The following GPM6A variants were observed in gnomAD, a reference collection of about 807,000 sequenced individuals.
The protein encoded by GPM6A is neuronal membrane glycoprotein M6-a.
A neutral mutation model predicts 32.1 loss-of-function variants in GPM6A; 7 were observed. That is an observed-to-expected ratio of 0.22 (90% CI 0.12 to 0.41). GPM6A has a LOEUF of 0.41. Among genes scored for constraint, GPM6A ranks in the 10% least tolerant of loss-of-function variants. The pLI is 1.00. For synonymous variants in GPM6A, 130 were observed against 123.4 expected, an observed-to-expected ratio of 1.05 and a Z score of -0.35; for missense variants, 235 against 347.2, an observed-to-expected ratio of 0.68 and a Z score of 2.57.
intron 1 of GPM6A, among the ~76,000 whole-genome samples, chr4:175,873,321 GA>G (rs200174289): frequency 2.0e-4 from 29 of 147,652 alleles, no homozygotes; most frequent in African/African-American, 3.7e-4. Context: ...AGTGCCTTGT[GA>G]AAAAAAAACA....
chr4:175,804,223 A>C (rs1734588432), intron 1 of GPM6A, among the ~76,000 whole-genome samples: 3 of 152,238 alleles, frequency 2.0e-5, no homozygotes, highest in African/African-American at 7.2e-5. Context: ...AAGAAAAATA[A>C]ATATAATTCC....
At chr4:175,789,532 T>C (rs1733927510) in intron 1 of GPM6A, among the ~76,000 whole-genome samples, 1 of 152,138 alleles carries the variant, frequency 6.6e-6, no homozygotes, top group Non-Finnish European at 1.5e-5. Context: ...CAATTCCTTC[T>C]CCTAGGCTAA....
At chr4:175,986,442 G>A (rs1250719961) in intron 1 of GPM6A, among the ~76,000 whole-genome samples, 4 of 152,006 alleles carry the variant, frequency 2.6e-5, no homozygotes, top group African/African-American at 4.8e-5. Context: ...AGGCTGAGGC[G>A]GAAGGATTGC....
At chr4:175,655,401 T>C (rs1316417652) in intron 3 of GPM6A, among the ~76,000 whole-genome samples, 1 of 152,082 alleles carries the variant, frequency 6.6e-6, no homozygotes, top group African/African-American at 2.4e-5. Flanking sequence ...ATTATTCAAA[T>C]TGATTATGCG....
At chr4:175,752,351 A>T (rs1339521214) in intron 1 of GPM6A, among the ~76,000 whole-genome samples, 1 of 152,078 alleles carries the variant, frequency 6.6e-6, no homozygotes, top group Non-Finnish European at 1.5e-5. Context: ...TGGACAGCAC[A>T]CTAAACAGTT....
At chr4:175,882,781 T>C (rs1304906508) in intron 1 of GPM6A, among the ~76,000 whole-genome samples, 1 of 151,984 alleles carries the variant, frequency 6.6e-6, no homozygotes, top group Non-Finnish European at 1.5e-5. Flanking sequence ...TAAAAGGTGA[T>C]AAGGGGTGTG....
At chr4:175,805,424 C>T (rs992214682) in intron 1 of GPM6A, among the ~76,000 whole-genome samples, 2 of 152,140 alleles carry the variant, frequency 1.3e-5, no homozygotes, top group South Asian at 2.1e-4. Context: ...TAGCAAAATA[C>T]TTTAATTGCC....
chr4:175,895,883 A>G (rs1055523348), intron 1 of GPM6A, among the ~76,000 whole-genome samples: 2 of 152,120 alleles, frequency 1.3e-5, no homozygotes, highest in Non-Finnish European at 2.9e-5. Flanking sequence ...CTTGGCATAA[A>G]CCCTGAAATA....
intron 1 of GPM6A, among the ~76,000 whole-genome samples, chr4:175,777,494 G>A (rs1733442155): frequency 6.6e-6 from 1 of 151,796 alleles, no homozygotes; most frequent in African/African-American, 2.4e-5. Flanking sequence ...ACATGTAATT[G>A]TGAGATAGAG....
intron 3 of GPM6A, among the ~76,000 whole-genome samples, chr4:175,664,215 A>G (rs1412152474): frequency 1.3e-5 from 2 of 152,184 alleles, no homozygotes; most frequent in African/African-American, 4.8e-5. Flanking sequence ...GGTGGAGCAC[A>G]GAGGATTTTC....
chr4:175,643,315 C>T (rs1258660385), intron 4 of GPM6A, among the ~76,000 whole-genome samples: 1 of 152,172 alleles, frequency 6.6e-6, no homozygotes, highest in Non-Finnish European at 1.5e-5. Context: ...CAGAATAAAA[C>T]CCCACACCTA....
At chr4:175,880,588 G>A (rs1057045846) in intron 1 of GPM6A, among the ~76,000 whole-genome samples, 1 of 152,110 alleles carries the variant, frequency 6.6e-6, no homozygotes, top group Non-Finnish European at 1.5e-5. Flanking sequence ...AGTTCTCCTG[G>A]AAGAGGGCCT....
chr4:175,909,391 G>T (rs1037987743), intron 1 of GPM6A, among the ~76,000 whole-genome samples: 6 of 152,124 alleles, frequency 3.9e-5, no homozygotes, highest in African/African-American at 1.4e-4. Flanking sequence ...GATAATCTAG[G>T]AAGGTAGAGA....
chr4:175,997,244 T>C (rs1224026664), intron 1 of GPM6A, among the ~76,000 whole-genome samples: 1 of 152,184 alleles, frequency 6.6e-6, no homozygotes, highest in Non-Finnish European at 1.5e-5. Flanking sequence ...GTTGTTTTAA[T>C]CCACTAGTTT....
At chr4:175,685,834 C>T (rs901198559) in intron 2 of GPM6A, among the ~76,000 whole-genome samples, 10 of 152,132 alleles carry the variant, frequency 6.6e-5, no homozygotes, top group Non-Finnish European at 4.4e-5. Flanking sequence ...TCATACATCT[C>T]TTCTTATCTT....
At chr4:175,900,053 G>T (rs1195182394) in intron 1 of GPM6A, among the ~76,000 whole-genome samples, 1 of 151,988 alleles carries the variant, frequency 6.6e-6, no homozygotes, top group African/African-American at 2.4e-5. Context: ...GCCGAGGCAG[G>T]CGGATCACCT....
chr4:175,814,090 C>G (rs1735027359), upstream of GPM6A, among the ~76,000 whole-genome samples: 1 of 152,200 alleles, frequency 6.6e-6, no homozygotes, highest in African/African-American at 2.4e-5. Context: ...CAGAACGGAG[C>G]AACGCTCCTC....
intron 1 of GPM6A, among the ~76,000 whole-genome samples, chr4:175,749,210 AAG>A (rs1048818757): frequency 5.1e-5 from 7 of 136,030 alleles, no homozygotes. Context: ...TGCCAAAAAA[AAG>A]GTAATGGCAA....
intron 6 of GPM6A, among the ~76,000 whole-genome samples, chr4:175,635,434 T>C (rs1740522128): frequency 2.0e-5 from 3 of 152,098 alleles, no homozygotes; most frequent in African/African-American, 4.8e-5. Flanking sequence ...TATTTTCACA[T>C]ACCGTTGTGT....
Sources: allele counts gnomAD v4.1 joint callset (sites outside exome capture counted in the v4.1 genomes callset), GRCh38; gene constraint gnomAD v4.1.1; transcripts MANE v1.5; gene names NCBI Gene and HGNC (gene_info 2026-07-23, HGNC 2026-07-21).